PPP1R13L: variants seen among roughly 807,000 people sequenced by gnomAD.
PPP1R13L encodes protein phosphatase 1 regulatory subunit 13 like.
A neutral mutation model predicts 80.9 loss-of-function variants in PPP1R13L; 50 were observed. The observed-to-expected ratio is 0.62, with a 90% CI of 0.49 to 0.78. PPP1R13L has a LOEUF of 0.78. PPP1R13L is among the 30% of genes least tolerant of loss of function. PPP1R13L has a pLI of 0.00. For synonymous variants in PPP1R13L, 602 were observed against 534.3 expected (o/e 1.13, Z -1.75); for missense variants, 1,200 against 1,205.9 (o/e 1.00, Z 0.07).
At position 45,395,739 on chromosome 19, in the gene PPP1R13L, G is replaced by C; in HGVS notation, c.1051C>G (p.Arg351Gly). The C allele has an allele frequency of 1.3e-6, 2 of 1,519,140 alleles. No individual in the cohort carries two copies. Among genetic ancestry groups the C allele is most frequent in the Non-Finnish European group, 1.8e-6 (2 of 1,138,816 alleles). The allele number at this position is 1,519,140 out of a possible 1,614,324, so 94.1% of individuals were successfully genotyped here. A position where few individuals can be genotyped will look rare whatever the true frequency, so the allele number is the denominator to read the frequency against. ...GGGCTGGAGGGGGGCATGGGGATGC[G>C]GCTGACGGGCTGCCAGCTGCGAGGC... is the stretch of plus-strand genomic sequence containing the variant. ...TLPRSWQPVS[R>G]IPMPPSSPQP... Residue 351 changes from arginine (R) to glycine (G), a missense_variant, in exon 7 of 13, where the codon CGC (arginine) becomes GGC (glycine). By Grantham distance (125) the Arg-to-Gly change is moderately radical. Coordinates refer to ENST00000360957, the MANE Select transcript of PPP1R13L (RefSeq NM_006663.4).
intron 1 of PPP1R13L, among the ~76,000 whole-genome samples, chr19:45,400,548 C>T (rs1279401444): frequency 6.6e-6 from 1 of 151,450 alleles, no homozygotes; most frequent in Non-Finnish European, 1.5e-5. Context: ...GCGTTGAGTC[C>T]TCTCCACTCC....
rs553559907 is a variant in PPP1R13L, at chr19:45,396,818, C to T, written c.439G>A (p.Asp147Asn). 9.7e-6 allele frequency: 14 copies of T among 1,447,186 alleles called. No individual in the cohort carries two copies. Among genetic ancestry groups the T allele is most frequent in the Non-Finnish European group, 1.2e-5 (13 of 1,108,218 alleles). The allele number at this position is 1,447,186 out of a possible 1,614,324, so 89.6% of individuals were successfully genotyped here. ...RATSPRPRAF[D>N]GAGSSLGRAP... ...CGGCCGAGGGAGCTGCCTGCGCCAT[C>T]GAAGGCGCGGGGCCGGGGCGAGGTC... The change falls in exon 4 of 13, where the codon GAT (aspartate) becomes AAT (asparagine). Residue 147 changes from aspartate (D) to asparagine (N), a missense_variant. Asp to Asn is a conservative substitution (Grantham distance 23). Around this residue, in one of 5 missense-constraint regions of PPP1R13L, gnomAD observed 764 missense variants for 714.5 expected, o/e 1.07. Transcript: ENST00000360957. The surrounding 1 kb of genome is among the most constrained non-coding windows in gnomAD (Gnocchi z 5.3).
chr19:45,402,283 C>G (rs965842688), intron 1 of PPP1R13L, among the ~76,000 whole-genome samples: 1 of 152,178 alleles, frequency 6.6e-6, no homozygotes, highest in East Asian at 1.9e-4. Context: ...CTCTCTCGCG[C>G]CTGTGGTTAG....
intron 7 of PPP1R13L, 80 bp from the exon 8 acceptor site, chr19:45,392,420 C>T (rs1972996916): frequency 1.4e-6 from 2 of 1,392,602 alleles, no homozygotes; most frequent in Admixed American, 1.8e-5. Context: ...CCAGGGCATA[C>T]AACCAGCACA....
intron 11 of PPP1R13L, among the ~76,000 whole-genome samples, chr19:45,383,196 G>A (rs1972800899): frequency 6.6e-6 from 1 of 150,464 alleles, no homozygotes; most frequent in South Asian, 2.1e-4. Context: ...GGGTTTCACC[G>A]TGTTAGCCAG....
chr19:45,383,437 GGTGT>G, intron 11 of PPP1R13L, among the ~76,000 whole-genome samples: 1 of 151,252 alleles, frequency 6.6e-6, no homozygotes, highest in East Asian at 2.0e-4. Context: ...TGGGATTACA[GGTGT>G]GCGCCACCAT....
intron 12 of PPP1R13L, among the ~76,000 whole-genome samples, chr19:45,382,027 G>A (rs1270525080): frequency 3.3e-5 from 5 of 151,932 alleles, no homozygotes; most frequent in African/African-American, 4.8e-5. Context: ...GATCATTTGA[G>A]GTCAGTAGAT....
At chr19:45,391,520 G>C (rs747880057) in intron 8 of PPP1R13L, among the ~76,000 whole-genome samples, 8 of 152,186 alleles carry the variant, frequency 5.3e-5, no homozygotes, top group Non-Finnish European at 8.8e-5. Flanking sequence ...TTGCAATGAG[G>C]CTCCTGGCCA....
upstream of PPP1R13L, among the ~76,000 whole-genome samples, chr19:45,405,969 C>A (rs1973344711): frequency 6.6e-6 from 1 of 152,218 alleles, no homozygotes; most frequent in Non-Finnish European, 1.5e-5. Context: ...GTTTCCCACG[C>A]ATGAGACTAA....
rs1264249781 is a variant in PPP1R13L at position 45,396,119 on chromosome 19, C to G, written c.903+49G>C. The G allele has an allele frequency of 3.9e-6, 6 of 1,543,526 alleles. No individual in the cohort carries two copies. Among genetic ancestry groups the G allele is most frequent in the Admixed American group, 1.9e-5 (1 of 51,622 alleles). On this transcript the variant is annotated intron_variant, in intron 6 of 12. Coordinates refer to ENST00000360957, the MANE Select transcript of PPP1R13L (RefSeq NM_006663.4). The surrounding 1 kb of genome is among the most constrained non-coding windows in gnomAD (Gnocchi z 5.3). ...TGGCCTTGACCCCGCTCCCCCACCC[C>G]ACTCCTCGACCTTCCCCAGCCTCTC...
At position 45,380,154 on chromosome 19, in the gene PPP1R13L, T is replaced by C. The variant is rs1972734449; in HGVS notation, c.*36A>G. ...GGTCTGGAGGGAAGGCAGGAATGCT[T>C]GTTTCTGTCAGCCTCAGAAACCTCC... On this transcript the variant is annotated 3_prime_UTR_variant, in exon 13 of 13. Transcript: ENST00000360957. 3 of 1,611,016 alleles carry C rather than the reference T, an allele frequency of 1.9e-6. No homozygotes were observed. The highest frequency in any genetic ancestry group is 1.1e-5 in the South Asian group (1 of 90,980).
intron 11 of PPP1R13L, among the ~76,000 whole-genome samples, chr19:45,383,011 T>G (rs1972796004): frequency 6.7e-6 from 1 of 149,224 alleles, no homozygotes; most frequent in Admixed American, 6.6e-5. Flanking sequence ...TTTTTTTTTT[T>G]TGAGACAGAG....
chr19:45,379,792 G>A lies in PPP1R13L; in HGVS notation c.*398C>T, dbSNP rs146479032. ...CCCACCCAGACCCCAAGACTGCTGG[G>A]AGAGATGGTGTCAGCAGTGACTCCC... On this transcript the variant is annotated 3_prime_UTR_variant, in exon 13 of 13. Transcript: ENST00000360957. The A allele has an allele frequency of 1.7e-4, 31 of 183,318 alleles. No individual in the cohort carries two copies. The East Asian group carries it at 4.2e-3, about 25-fold the overall frequency. 11.4% of individuals were successfully genotyped at this position (183,318 alleles called of 1,614,324 possible). A position where few individuals can be genotyped will look rare whatever the true frequency, so the allele number is the denominator to read the frequency against.
chr19:45,403,053 G>A (rs1156948022), intron 1 of PPP1R13L, among the ~76,000 whole-genome samples: 2 of 152,202 alleles, frequency 1.3e-5, no homozygotes, highest in East Asian at 1.9e-4. Flanking sequence ...CTTGCTCTAA[G>A]CCTCTACTTG....
chr19:45,404,285 A>T (rs1973285523), intron 1 of PPP1R13L, among the ~76,000 whole-genome samples: 2 of 151,862 alleles, frequency 1.3e-5, no homozygotes, highest in Non-Finnish European at 2.9e-5. Flanking sequence ...GCTGTTTCCC[A>T]CCCCATAAGG....
At chr19:45,385,767 G>A in intron 10 of PPP1R13L, 39 bp from the exon 11 acceptor site, 1 of 1,608,474 alleles carries the variant, frequency 6.2e-7, no homozygotes, top group South Asian at 1.1e-5. Flanking sequence ...AACGATGCGT[G>A]AGAGGCTGCG....
At chr19:45,404,509 C>T (rs1973291226) in intron 1 of PPP1R13L, among the ~76,000 whole-genome samples, 1 of 152,144 alleles carries the variant, frequency 6.6e-6, no homozygotes, top group Admixed American at 6.5e-5. Flanking sequence ...GGAGGGACCC[C>T]GGGTACCTGT....
intron 8 of PPP1R13L, among the ~76,000 whole-genome samples, chr19:45,388,130 C>T (rs946069146): frequency 1.2e-4 from 18 of 151,210 alleles, no homozygotes; most frequent in African/African-American, 4.1e-4. Context: ...ATGGCACCAT[C>T]GCACTCCAGC....
chr19:45,401,248 G>A (rs887521414), intron 1 of PPP1R13L, among the ~76,000 whole-genome samples: 9 of 151,416 alleles, frequency 5.9e-5, no homozygotes, highest in South Asian at 2.1e-4. Context: ...CCAGCTACTC[G>A]GGAGGCTGAG....
Sources: allele counts gnomAD v4.1 joint callset (sites outside exome capture counted in the v4.1 genomes callset), GRCh38; gene constraint gnomAD v4.1.1; regional missense constraint gnomAD v4.1.1; non-coding constraint Gnocchi (gnomAD v3.1); transcripts MANE v1.5; gene names NCBI Gene and HGNC (gene_info 2026-07-23, HGNC 2026-07-21).